The following CACNA2D3 variants were observed in gnomAD, a reference collection of about 807,000 sequenced individuals.
CACNA2D3 encodes the protein voltage-dependent calcium channel subunit alpha-2/delta-3.
CACNA2D3 carries 60 observed loss-of-function variants against 160.6 expected under a neutral mutation model. The ratio of observed to expected loss-of-function variants is 0.37; its 90% CI spans 0.30 to 0.46. CACNA2D3 has a LOEUF of 0.46. Among genes scored for constraint, CACNA2D3 ranks in the 20% least tolerant of loss-of-function variants. The pLI, the probability that CACNA2D3 is intolerant of heterozygous loss-of-function variation, is 1.00. For missense variants in CACNA2D3, 1,205 were observed against 1,365.0 expected, an observed-to-expected ratio of 0.88 and a Z score of 1.85; for synonymous variants, 558 against 492.9, an observed-to-expected ratio of 1.13 and a Z score of -1.75.
Position 54,679,472 on chromosome 3 carries a change from G to A in CACNA2D3, c.1167+37231G>A, listed in dbSNP as rs919594131. On this transcript the variant is annotated intron_variant, in intron 11 of 37. Coordinates refer to ENST00000474759, the MANE Select transcript of CACNA2D3 (RefSeq NM_018398.3). ...TCCTCTCTGTGTGCATCAATCCCTG[G>A]GAGAGCTGGGGCAGCAAGGGGTCCA... Among the ~76,000 whole-genome samples the A allele has an allele frequency of 9.2e-5, 14 of 152,254 alleles. No individual in the cohort carries two copies. In the East Asian group the frequency reaches 2.7e-3, roughly 29 times the overall value.
At chr3:54,665,890 C>G (rs775031848) in intron 11 of CACNA2D3, among the ~76,000 whole-genome samples, 2 of 151,998 alleles carry the variant, frequency 1.3e-5, no homozygotes, top group Non-Finnish European at 2.9e-5. Context: ...CAGCCTCAAC[C>G]TCTCAGGTTC....
At chr3:54,941,734 G>A (rs148246899) in intron 27 of CACNA2D3, among the ~76,000 whole-genome samples, 152 of 152,198 alleles carry the variant, frequency 1.0e-3, no homozygotes, top group African/African-American at 3.4e-3. Flanking sequence ...TTCTAACCAC[G>A]AGGGTTCGCA....
At chr3:54,438,506 C>G (rs34365122) in intron 4 of CACNA2D3, among the ~76,000 whole-genome samples, 1 of 151,998 alleles carries the variant, frequency 6.6e-6, no homozygotes, top group Non-Finnish European at 1.5e-5. Context: ...ACTCCCTGGG[C>G]GATGGAAAAG....
intron 12 of CACNA2D3, among the ~76,000 whole-genome samples, chr3:54,761,286 C>T (rs891940004): frequency 7.2e-5 from 11 of 152,212 alleles, no homozygotes; most frequent in Admixed American, 2.0e-4. Context: ...CTGCAAAGCA[C>T]TCATCCCTGT....
chr3:54,746,516 C>T (rs989052550), intron 11 of CACNA2D3, among the ~76,000 whole-genome samples: 2 of 152,082 alleles, frequency 1.3e-5, no homozygotes, highest in African/African-American at 4.8e-5. Context: ...AGGAAGATGT[C>T]AGGAAGGCAT....
chr3:54,808,564 G>A (rs1472430781), intron 13 of CACNA2D3, among the ~76,000 whole-genome samples: 3 of 152,162 alleles, frequency 2.0e-5, no homozygotes, highest in Non-Finnish European at 2.9e-5. Context: ...GAGGGAAAGC[G>A]ATGAGTTGAG....
chr3:54,958,880 G>A (rs1362410154), intron 27 of CACNA2D3, among the ~76,000 whole-genome samples: 1 of 152,128 alleles, frequency 6.6e-6, no homozygotes, highest in Non-Finnish European at 1.5e-5. Flanking sequence ...AAGGCAGGAG[G>A]ATTGCTTGAA....
At chr3:55,020,665 C>T (rs539896706) in intron 35 of CACNA2D3, among the ~76,000 whole-genome samples, 3 of 151,854 alleles carry the variant, frequency 2.0e-5, no homozygotes, top group Non-Finnish European at 2.9e-5. Context: ...GCCTGGCCAA[C>T]ATGGTGAAAC....
At position 55,004,442 on chromosome 3, in the gene CACNA2D3, T is replaced by G. The variant is rs1244782596; in HGVS notation, c.2691-321T>G. On this transcript the variant is annotated intron_variant, in intron 31 of 37. Coordinates refer to ENST00000474759, the MANE Select transcript of CACNA2D3 (RefSeq NM_018398.3). The stretch of plus-strand genomic sequence containing the variant: ...TTAGAATCCAGTTCAGAACAGCACA[T>G]TCCCTTTGGAATATCTTGCTCAATG... Among the ~76,000 whole-genome samples, 4 of 152,206 alleles carry G rather than the reference T, an allele frequency of 2.6e-5. No homozygotes were observed. The East Asian group carries it at 5.8e-4, about 22-fold the overall frequency.
At chr3:54,626,276 T>G in intron 9 of CACNA2D3, 1 of 1,432,600 alleles carries the variant, frequency 7.0e-7, no homozygotes, top group Non-Finnish European at 9.6e-7. Flanking sequence ...GGCGTGGACC[T>G]GGACCAGCTG....
intron 23 of CACNA2D3, among the ~76,000 whole-genome samples, chr3:54,887,555 T>C (rs1056315409): frequency 6.6e-6 from 1 of 152,182 alleles, no homozygotes; most frequent in Admixed American, 6.5e-5. Context: ...AGGCTGAGAA[T>C]TTCAGGGTGC....
intron 17 of CACNA2D3, among the ~76,000 whole-genome samples, chr3:54,867,568 T>C (rs984562927): frequency 1.4e-5 from 2 of 142,718 alleles, no homozygotes; most frequent in African/African-American, 2.6e-5. Context: ...AGGGGGATAA[T>C]ATGGAGATAA....
intron 2 of CACNA2D3, among the ~76,000 whole-genome samples, chr3:54,305,028 A>G (rs1023428294): frequency 6.6e-6 from 1 of 152,178 alleles, no homozygotes; most frequent in Admixed American, 6.5e-5. Context: ...TTGCATAGAC[A>G]TTGATTAAAA....
chr3:54,480,788 A>G (rs1035373727), intron 4 of CACNA2D3, among the ~76,000 whole-genome samples: 1 of 152,016 alleles, frequency 6.6e-6, no homozygotes, highest in Non-Finnish European at 1.5e-5. Flanking sequence ...GCCTGGGAAG[A>G]CTCCAGAATC....
At chr3:54,234,731 T>A (rs1559890912) in intron 2 of CACNA2D3, among the ~76,000 whole-genome samples, 1 of 152,174 alleles carries the variant, frequency 6.6e-6, no homozygotes, top group African/African-American at 2.4e-5. Flanking sequence ...AGCAGGAGGT[T>A]ATTAGTCTTA....
chr3:54,914,625 G>A (rs192572766), intron 27 of CACNA2D3, among the ~76,000 whole-genome samples: 2 of 152,296 alleles, frequency 1.3e-5, no homozygotes, highest in Non-Finnish European at 2.9e-5. Context: ...AATCTGAAAG[G>A]GAAGTGGTTG....
At chr3:54,795,239 T>C (rs373811269) in intron 13 of CACNA2D3, among the ~76,000 whole-genome samples, 12 of 152,128 alleles carry the variant, frequency 7.9e-5, no homozygotes, top group Admixed American at 3.3e-4. Context: ...TTCCATTTGG[T>C]TTTGGTTTTT....
intron 11 of CACNA2D3, among the ~76,000 whole-genome samples, chr3:54,668,978 A>G (rs889306728): frequency 6.6e-6 from 1 of 152,214 alleles, no homozygotes; most frequent in African/African-American, 2.4e-5. Context: ...AGCCTAGGTC[A>G]TGTTCCTTTT....
At chr3:54,569,029 G>C (rs1013356058) in intron 6 of CACNA2D3, among the ~76,000 whole-genome samples, 18 of 152,184 alleles carry the variant, frequency 1.2e-4, no homozygotes, top group African/African-American at 4.3e-4. Context: ...CCATCCCTGA[G>C]CAGAACTGAT....
Sources: gnomAD v4.1 joint callset for allele counts (sites outside exome capture counted in the v4.1 genomes callset) on GRCh38, gnomAD v4.1.1 for gene constraint, MANE v1.5 for transcripts, NCBI Gene and HGNC (gene_info 2026-07-23, HGNC 2026-07-21) for gene names.